The following FBLN5 variants were observed in gnomAD, a reference collection of about 807,000 sequenced individuals.
FBLN5 encodes fibulin-5.
A neutral mutation model predicts 61.6 loss-of-function variants in FBLN5; 24 were observed. The observed-to-expected ratio is 0.39, with a 90% CI of 0.28 to 0.55. The LOEUF (loss-of-function observed/expected upper bound fraction) is 0.55. Among genes scored for constraint, FBLN5 ranks in the 20% least tolerant of loss-of-function variants. FBLN5 has a pLI of 0.65. For synonymous variants in FBLN5, 213 were observed against 219.8 expected, an observed-to-expected ratio of 0.97 and a Z score of 0.27; for missense variants, 470 against 594.1, an observed-to-expected ratio of 0.79 and a Z score of 2.17.
At chr14:91,898,218 G>GT (rs1375394055) in intron 4 of FBLN5, among the ~76,000 whole-genome samples, 2 of 151,902 alleles carry the variant, frequency 1.3e-5, no homozygotes, top group African/African-American at 4.8e-5. Flanking sequence ...TGGCGGGGGG[G>GT]GCGGAATCTC....
At chr14:91,931,301 C>A (rs1269507447) in intron 4 of FBLN5, among the ~76,000 whole-genome samples, 1 of 152,204 alleles carries the variant, frequency 6.6e-6, no homozygotes, top group African/African-American at 2.4e-5. Context: ...GTTTAATCTC[C>A]CTTCCTTGTC....
chr14:91,888,011 T>C (rs1889807538), intron 6 of FBLN5, among the ~76,000 whole-genome samples: 1 of 152,206 alleles, frequency 6.6e-6, no homozygotes, highest in South Asian at 2.1e-4. Context: ...TTAAGCATTT[T>C]TGAAGGACCA....
At chr14:91,913,115 C>A (rs1243282620) in intron 4 of FBLN5, among the ~76,000 whole-genome samples, 1 of 152,156 alleles carries the variant, frequency 6.6e-6, no homozygotes, top group East Asian at 1.9e-4. Flanking sequence ...CCTCTATTCC[C>A]TTAGGGAAGT....
chr14:91,911,370 T>C (rs1890925069), intron 4 of FBLN5, among the ~76,000 whole-genome samples: 1 of 152,218 alleles, frequency 6.6e-6, no homozygotes, highest in Non-Finnish European at 1.5e-5. Flanking sequence ...AAGGAGTTGA[T>C]AATGATGGTA....
chr14:91,934,098 T>C (rs1054897601), intron 4 of FBLN5, among the ~76,000 whole-genome samples: 5 of 151,640 alleles, frequency 3.3e-5, no homozygotes, highest in Admixed American at 6.6e-5. Context: ...CCCAGCTACT[T>C]GGGAGGCTGA....
intron 4 of FBLN5, among the ~76,000 whole-genome samples, chr14:91,909,052 G>A (rs1275335772): frequency 6.6e-6 from 1 of 152,062 alleles, no homozygotes; most frequent in Non-Finnish European, 1.5e-5. Context: ...CGAGTAGCTG[G>A]GACTACAGGT....
rs1890155346 is a variant in FBLN5 at position 91,894,873 on chromosome 14, C to A, written c.502+77G>T. 2.0e-6 allele frequency: 3 copies of A among 1,494,336 alleles called. No individual in the cohort carries two copies. In the South Asian group the frequency reaches 3.4e-5, roughly 17 times the overall value. The allele number at this position is 1,494,336 out of a possible 1,614,324, so 92.6% of individuals were successfully genotyped here. ...AAGCTTACTACCCTCAGGCAGCCAG[C>A]TATGCCCATACCTCAAAATGCCCCT... On this transcript the variant is annotated intron_variant, in intron 5 of 10. Coordinates refer to ENST00000342058, the MANE Select transcript of FBLN5 (RefSeq NM_006329.4).
chr14:91,903,869 G>T (rs534072679), intron 4 of FBLN5, among the ~76,000 whole-genome samples: 52 of 152,212 alleles, frequency 3.4e-4, no homozygotes, highest in African/African-American at 1.2e-3. Flanking sequence ...TTCTCTAAAT[G>T]ATTGTAATAA....
chr14:91,876,835 A>G (rs2139948469), intron 10 of FBLN5, among the ~76,000 whole-genome samples: 1 of 152,228 alleles, frequency 6.6e-6, no homozygotes, highest in African/African-American at 2.4e-5. Flanking sequence ...CCAAGTTTTT[A>G]TTGTTTTTCA....
intron 7 of FBLN5, among the ~76,000 whole-genome samples, chr14:91,886,446 A>C (rs1889727680): frequency 6.6e-6 from 1 of 152,212 alleles, no homozygotes; most frequent in Non-Finnish European, 1.5e-5. Context: ...ACTAAGAAAA[A>C]AAATTTAACT....
intron 4 of FBLN5, among the ~76,000 whole-genome samples, chr14:91,914,678 T>C (rs555118810): frequency 8.7e-5 from 13 of 149,492 alleles, no homozygotes; most frequent in Admixed American, 5.3e-4. Flanking sequence ...ATCCAAAACA[T>C]AGAAAGAAAA....
At position 91,947,281 on chromosome 14, in the gene FBLN5, G is replaced by A. The variant is rs373314585; in HGVS notation, c.-52C>T. The A allele has an allele frequency of 8.7e-6, 14 of 1,613,134 alleles. No individual in the cohort carries two copies. In the African/African-American group the frequency reaches 1.9e-4, roughly 22 times the overall value. Reference sequence around the variant, plus strand: ...GAAGGCGAGAAGAAAGCTCGCGGGCGGGACCCCCGGAGGAGCTCGGGCACG... The same window carrying A: ...GAAGGCGAGAAGAAAGCTCGCGGGCAGGACCCCCGGAGGAGCTCGGGCACG... On this transcript the variant is annotated 5_prime_UTR_variant, in exon 1 of 11. Coordinates refer to ENST00000342058, the MANE Select transcript of FBLN5 (RefSeq NM_006329.4). This position sits in a 1 kb window ranked among gnomAD's most constrained non-coding sequence, Gnocchi z 4.3.
rs150431062 is a variant in FBLN5, at chr14:91,944,588, T to G, written c.18-1627A>C. 3.0e-3 allele frequency among the ~76,000 whole-genome samples: 458 copies of G among 152,358 alleles called. 2 individuals are homozygous for G. The highest frequency in any genetic ancestry group is 0.01 in the African/African-American group (435 of 41,578). Reference sequence around the variant, plus strand: ...ATACATGGATAAACAAAATGCAGTCTGTACACACAAGGGAATAGTATTCAG... The same window carrying G: ...ATACATGGATAAACAAAATGCAGTCGGTACACACAAGGGAATAGTATTCAG... On this transcript the variant is annotated intron_variant, in intron 1 of 10. Coordinates refer to ENST00000342058, the MANE Select transcript of FBLN5 (RefSeq NM_006329.4).
Position 91,947,334 on chromosome 14 carries a change from G to C in FBLN5, c.-105C>G. ...GGCCTCCTCTGGGCCCTCGGGGCTC[G>C]CGGGTGTTTTATTCCAGAGGGGCCG... On this transcript the variant is annotated 5_prime_UTR_variant, in exon 1 of 11. Coordinates refer to ENST00000342058, the MANE Select transcript of FBLN5 (RefSeq NM_006329.4). This position sits in a 1 kb window ranked among gnomAD's most constrained non-coding sequence, Gnocchi z 4.3. 2.2e-6 allele frequency: 3 copies of C among 1,369,652 alleles called. No individual in the cohort carries two copies. In the South Asian group the frequency reaches 3.5e-5, roughly 16 times the overall value. 84.8% of individuals were successfully genotyped at this position (1,369,652 alleles called of 1,614,324 possible). A position where few individuals can be genotyped will look rare whatever the true frequency, so the allele number is the denominator to read the frequency against.
rs139532122 is a variant in FBLN5 at position 91,913,275 on chromosome 14, T to C, written c.380-18203A>G. On this transcript the variant is annotated intron_variant, in intron 4 of 10. Transcript: ENST00000342058. ...CCCCATTTTTAAAATGGGAATATCA[T>C]GCCTGAATATTTTGGAGGATTCAAT... Among the ~76,000 whole-genome samples the C allele has an allele frequency of 7.1e-3, 1,078 of 152,326 alleles. 2 individuals are homozygous for C. Among genetic ancestry groups the C allele is most frequent in the Non-Finnish European group, 8.8e-3 (602 of 68,028 alleles).
chr14:91,881,700 G>A (rs1250649930), intron 8 of FBLN5, among the ~76,000 whole-genome samples: 1 of 152,096 alleles, frequency 6.6e-6, no homozygotes, highest in Non-Finnish European at 1.5e-5. Flanking sequence ...GGCTGAGGCA[G>A]GAGGATCACT....
intron 4 of FBLN5, among the ~76,000 whole-genome samples, chr14:91,908,994 C>T (rs903567813): frequency 3.9e-5 from 6 of 152,046 alleles, no homozygotes; most frequent in East Asian, 3.9e-4. Flanking sequence ...CTCGGCTCAC[C>T]GCAAGCTTCA....
intron 5 of FBLN5, among the ~76,000 whole-genome samples, chr14:91,893,537 C>A (rs1259353908): frequency 6.6e-6 from 1 of 152,218 alleles, no homozygotes; most frequent in Non-Finnish European, 1.5e-5. Context: ...TGTTTCTCAA[C>A]TCCTCCAGGA....
chr14:91,887,104 A>C (rs951890428), intron 7 of FBLN5, 89 bp downstream of exon 7: 130 of 1,425,376 alleles, frequency 9.1e-5, no homozygotes, highest in Non-Finnish European at 1.0e-4. Flanking sequence ...AGGAAATGAG[A>C]GGAAACACCT....
Sources: allele counts gnomAD v4.1 joint callset (sites outside exome capture counted in the v4.1 genomes callset), GRCh38; gene constraint gnomAD v4.1.1; non-coding constraint Gnocchi (gnomAD v3.1); transcripts MANE v1.5; gene names NCBI Gene and HGNC (gene_info 2026-07-23, HGNC 2026-07-21).